Variants in RERE observed in about 807,000 individuals in gnomAD.
RERE encodes the protein arginine-glutamic acid dipeptide repeats protein.
RERE carries 40 observed loss-of-function variants against 146.1 expected under a neutral mutation model. That is an observed-to-expected ratio of 0.27 (90% confidence interval 0.21 to 0.36). The LOEUF (loss-of-function observed/expected upper bound fraction) is 0.36, where lower values mean the gene tolerates loss of function less well. Ranked by LOEUF, RERE falls within the 10% of genes least tolerant of loss-of-function variation. The pLI, the probability that RERE is intolerant of heterozygous loss-of-function variation, is 1.00. For synonymous variants in RERE, 1,003 were observed against 866.0 expected, an observed-to-expected ratio of 1.16 and a Z score of -2.78; for missense variants, 1,933 against 2,138.7, an observed-to-expected ratio of 0.90 and a Z score of 1.90.
chr1:8,364,892 A>T lies in RERE; in HGVS notation c.1448-54T>A. ...GGGGGAGACACCATCATGCTCAGCCAAGGCTGGGCCGGTGGGGTGGGGGGG... is the reference window on the plus strand; with the variant it reads ...GGGGGAGACACCATCATGCTCAGCCTAGGCTGGGCCGGTGGGGTGGGGGGG... On this transcript the variant is annotated intron_variant, in intron 13 of 22. Coordinates refer to ENST00000400908, the MANE Select transcript of RERE (RefSeq NM_001042681.2). The surrounding 1 kb of genome is among the most constrained non-coding windows in gnomAD (Gnocchi z 5.1). The T allele has an allele frequency of 2.6e-6, 1 of 388,594 alleles. No individual in the cohort carries two copies. The highest frequency in any genetic ancestry group is 4.8e-6 in the Non-Finnish European group (1 of 206,228). 24.1% of individuals were successfully genotyped at this position (388,594 alleles called of 1,614,324 possible).
chr1:8,572,413 T>C (rs1217734728), intron 4 of RERE, among the ~76,000 whole-genome samples: 1 of 152,200 alleles, frequency 6.6e-6, no homozygotes, highest in Non-Finnish European at 1.5e-5. Flanking sequence ...GACTCTTCTA[T>C]CTATTGCTAG....
At chr1:8,491,179 G>A (rs1190244719) in intron 10 of RERE, among the ~76,000 whole-genome samples, 2 of 150,556 alleles carry the variant, frequency 1.3e-5, no homozygotes, top group Non-Finnish European at 2.9e-5. Flanking sequence ...AGTGGCTCAC[G>A]CCTGTAATCC....
intron 1 of RERE, among the ~76,000 whole-genome samples, chr1:8,657,456 G>A (rs545954185): frequency 6.6e-4 from 100 of 152,304 alleles, no homozygotes; most frequent in African/African-American, 2.3e-3. Flanking sequence ...ACGAAAGTGA[G>A]AGCTTCAGAG....
intron 12 of RERE, among the ~76,000 whole-genome samples, chr1:8,401,288 A>G (rs1212953289): frequency 6.6e-6 from 1 of 151,496 alleles, no homozygotes; most frequent in Non-Finnish European, 1.5e-5. Flanking sequence ...CACCTCACAT[A>G]ATCTTTAATG....
At position 8,356,282 on chromosome 1, in the gene RERE, T is replaced by C; in HGVS notation, c.4340-36A>G. The C allele has an allele frequency of 6.7e-7, 1 of 1,490,744 alleles. No individual in the cohort carries two copies. 92.3% of individuals were successfully genotyped at this position (1,490,744 alleles called of 1,614,324 possible). A position where few individuals can be genotyped will look rare whatever the true frequency, so the allele number is the denominator to read the frequency against. On this transcript the variant is annotated intron_variant, in intron 20 of 22. Transcript: ENST00000400908. This position sits in a 1 kb window ranked among gnomAD's most constrained non-coding sequence, Gnocchi z 5.2. ...GACAAAACGCCAGATGGAGGCGGTG[T>C]GCAGCTCTTCAATGTTTGTCCCCCT...
At chr1:8,661,653 AACT>A (rs1440634483) in intron 1 of RERE, among the ~76,000 whole-genome samples, 1 of 152,140 alleles carries the variant, frequency 6.6e-6, no homozygotes, top group Non-Finnish European at 1.5e-5. Flanking sequence ...TGTGCTGATA[AACT>A]TGAGAGGTGA....
chr1:8,677,082 G>C (rs931173336), intron 1 of RERE, among the ~76,000 whole-genome samples: 1 of 152,034 alleles, frequency 6.6e-6, no homozygotes, highest in Non-Finnish European at 1.5e-5. Context: ...CTTGCCACTA[G>C]CCCAAGAGGG....
chr1:8,493,203 G>A (rs1557656682), intron 10 of RERE, among the ~76,000 whole-genome samples: 1 of 152,108 alleles, frequency 6.6e-6, no homozygotes, highest in Non-Finnish European at 1.5e-5. Flanking sequence ...ACCTACCACA[G>A]CCTCTACTGG....
chr1:8,549,578 C>T (rs1645909413), intron 6 of RERE, among the ~76,000 whole-genome samples: 1 of 152,080 alleles, frequency 6.6e-6, no homozygotes, highest in South Asian at 2.1e-4. Flanking sequence ...CAGGTGAAAT[C>T]CACTGATAGG....
At chr1:8,399,660 A>G (rs1210234791) in intron 12 of RERE, among the ~76,000 whole-genome samples, 3 of 152,128 alleles carry the variant, frequency 2.0e-5, no homozygotes, top group East Asian at 1.9e-4. Flanking sequence ...AAATCCTGTT[A>G]AAGTTTTGAT....
intron 12 of RERE, among the ~76,000 whole-genome samples, chr1:8,414,068 A>G (rs1227888818): frequency 4.7e-5 from 7 of 150,368 alleles, no homozygotes; most frequent in Non-Finnish European, 1.0e-4. Flanking sequence ...AAAAAAAAAA[A>G]AAAAAGAAAT....
intron 1 of RERE, among the ~76,000 whole-genome samples, chr1:8,710,554 T>G (rs1387616908): frequency 6.6e-6 from 1 of 152,214 alleles, no homozygotes; most frequent in African/African-American, 2.4e-5. Context: ...AGTCTCGCTG[T>G]GTCACCCAGG....
At chr1:8,462,833 G>GT (rs1644544308) in intron 11 of RERE, among the ~76,000 whole-genome samples, 1 of 152,088 alleles carries the variant, frequency 6.6e-6, no homozygotes, top group South Asian at 2.1e-4. Context: ...GAGCCCAACA[G>GT]TTTGAGTCCA....
At chr1:8,587,779 C>T (rs1448771519) in intron 4 of RERE, among the ~76,000 whole-genome samples, 1 of 152,152 alleles carries the variant, frequency 6.6e-6, no homozygotes, top group Non-Finnish European at 1.5e-5. Flanking sequence ...AAATATTCTG[C>T]CTCTATTCTT....
At chr1:8,433,753 G>C (rs1644129120) in intron 11 of RERE, among the ~76,000 whole-genome samples, 1 of 151,254 alleles carries the variant, frequency 6.6e-6, no homozygotes, top group African/African-American at 2.4e-5. Context: ...GTAGAGACGG[G>C]GTTTCACCTT....
At chr1:8,519,744 T>A (rs2124335829) in intron 7 of RERE, 1 of 152,352 alleles carries the variant, frequency 6.6e-6, no homozygotes, top group South Asian at 2.1e-4. Context: ...CAGGATTTTA[T>A]ATTTATTTTT....
chr1:8,498,762 CACACACAT>C (rs1163247317), intron 8 of RERE, among the ~76,000 whole-genome samples: 15 of 149,666 alleles, frequency 1.0e-4, no homozygotes, highest in African/African-American at 3.7e-4. Flanking sequence ...CACACACACA[CACACACAT>C]ATGTAGTTGA....
intron 1 of RERE, among the ~76,000 whole-genome samples, chr1:8,773,221 G>A (rs984167126): frequency 6.6e-6 from 1 of 152,140 alleles, no homozygotes; most frequent in Non-Finnish European, 1.5e-5. Flanking sequence ...GTCCAAAAAT[G>A]TTACTATTAT....
rs762430449 is a variant in RERE at position 8,358,908 on chromosome 1, G to C, written c.3627C>G (p.Ser1209=). 2 of 1,526,958 alleles carry C rather than the reference G, an allele frequency of 1.3e-6. No individual in the cohort carries two copies. Among genetic ancestry groups the C allele is most frequent in the East Asian group, 4.6e-5 (2 of 43,682 alleles). The allele number at this position is 1,526,958 out of a possible 1,614,324, so 94.6% of individuals were successfully genotyped here. Residue 1209 remains serine (S), a synonymous_variant, in exon 20 of 23, where the codon TCC becomes TCG. Coordinates refer to ENST00000400908, the MANE Select transcript of RERE (RefSeq NM_001042681.2). ...TGAGGCGACCTTCATGCGCTGAGCT[G>C]GACGCCTTCTGCAGAAGGAAAAGAA... is the stretch of plus-strand genomic sequence containing the variant. ...EREAERAAKA[S]SSAHEGRLSD...
Sources: gnomAD v4.1 joint callset for allele counts (sites outside exome capture counted in the v4.1 genomes callset) on GRCh38, gnomAD v4.1.1 for gene constraint, Gnocchi (gnomAD v3.1) non-coding constraint, MANE v1.5 for transcripts, NCBI Gene and HGNC (gene_info 2026-07-23, HGNC 2026-07-21) for gene names.